The following SLC10A7 variants were observed in gnomAD, a reference collection of about 807,000 sequenced individuals.
SLC10A7 encodes solute carrier family 10 member 7.
In SLC10A7, 29 loss-of-function variants were observed where a neutral mutation model predicts 43.2. The observed-to-expected ratio is 0.67, with a 90% CI of 0.50 to 0.92. The LOEUF (loss-of-function observed/expected upper bound fraction) is 0.92. Ranked by LOEUF, SLC10A7 falls within the 40% of genes least tolerant of loss-of-function variation. The pLI is 0.00. For synonymous variants in SLC10A7, 152 were observed against 144.8 expected (o/e 1.05, Z -0.35); for missense variants, 295 against 403.2 (o/e 0.73, Z 2.30).
chr4:146,297,169 G>A (rs536340822), intron 7 of SLC10A7, among the ~76,000 whole-genome samples: 52 of 152,168 alleles, frequency 3.4e-4, no homozygotes, highest in African/African-American at 1.2e-3. Flanking sequence ...AGAAATGTAG[G>A]CGTTCAAAAT....
At chr4:146,274,291 C>T (rs1729073504) in intron 10 of SLC10A7, among the ~76,000 whole-genome samples, 1 of 150,768 alleles carries the variant, frequency 6.6e-6, no homozygotes, top group Non-Finnish European at 1.5e-5. Flanking sequence ...GCAACCTCTG[C>T]CTCCCGGGTT....
intron 2 of SLC10A7, 27 bp downstream of exon 2, chr4:146,517,011 T>A (rs1198627560): frequency 1.3e-6 from 2 of 1,523,598 alleles, no homozygotes; most frequent in African/African-American, 1.4e-5. Context: ...TCTCCCTGCT[T>A]TTCATGTGTC....
chr4:146,438,227 T>C (rs1389212509), intron 5 of SLC10A7, among the ~76,000 whole-genome samples: 1 of 151,976 alleles, frequency 6.6e-6, no homozygotes, highest in Admixed American at 6.6e-5. Flanking sequence ...ATAAACTGGC[T>C]AGTTTTTCAG....
intron 10 of SLC10A7, among the ~76,000 whole-genome samples, chr4:146,264,769 G>T (rs1053099633): frequency 3.3e-5 from 5 of 152,076 alleles, no homozygotes; most frequent in Admixed American, 6.5e-5. Context: ...AATTCTATTT[G>T]TTCTTCCACC....
intron 4 of SLC10A7, among the ~76,000 whole-genome samples, chr4:146,487,149 A>G (rs925162594): frequency 6.6e-6 from 1 of 152,184 alleles, no homozygotes; most frequent in Non-Finnish European, 1.5e-5. Flanking sequence ...TTAACCACAC[A>G]GGAGAGGCTT....
intron 4 of SLC10A7, among the ~76,000 whole-genome samples, chr4:146,472,638 T>C (rs886277729): frequency 6.6e-6 from 1 of 152,108 alleles, no homozygotes; most frequent in Non-Finnish European, 1.5e-5. Flanking sequence ...GTAGGCCTCC[T>C]GTGCAGACCC....
intron 5 of SLC10A7, among the ~76,000 whole-genome samples, chr4:146,372,281 C>G (rs868401966): frequency 6.6e-6 from 1 of 151,680 alleles, no homozygotes; most frequent in Non-Finnish European, 1.5e-5. Context: ...TGGAGACACC[C>G]CATCTCTACA....
intron 4 of SLC10A7, among the ~76,000 whole-genome samples, chr4:146,472,054 C>T (rs969751560): frequency 1.1e-4 from 17 of 152,194 alleles, no homozygotes; most frequent in African/African-American, 4.1e-4. Context: ...AAAGTGACAT[C>T]TCAATACAAA....
intron 5 of SLC10A7, among the ~76,000 whole-genome samples, chr4:146,375,920 T>TCCTAATCACACACATCA (rs1737164907): frequency 6.6e-6 from 1 of 152,190 alleles, no homozygotes; most frequent in Non-Finnish European, 1.5e-5. Flanking sequence ...TCCTAGCTTG[T>TCCTAATCACACACATCA]GACCTATACT....
At chr4:146,314,884 C>T (rs1387675548) in intron 6 of SLC10A7, among the ~76,000 whole-genome samples, 3 of 152,106 alleles carry the variant, frequency 2.0e-5, no homozygotes, top group Non-Finnish European at 4.4e-5. Flanking sequence ...GGGGCTTGAG[C>T]TCATGACAAC....
chr4:146,446,708 G>C (rs1244929738), intron 4 of SLC10A7, among the ~76,000 whole-genome samples: 1 of 151,934 alleles, frequency 6.6e-6, no homozygotes, highest in Admixed American at 6.6e-5. Flanking sequence ...CCCTGACTCT[G>C]AAGTGGCCAG....
Position 146,350,786 on chromosome 4 carries a change from C to A in SLC10A7, c.436-24790G>T, listed in dbSNP as rs1228656041. 1.4e-4 allele frequency among the ~76,000 whole-genome samples: 14 copies of A among 103,356 alleles called. No homozygotes were observed. In the South Asian group the frequency reaches 3.7e-3, roughly 27 times the overall value. The allele number at this position is 103,356 out of a possible 152,430, so 67.8% of individuals were successfully genotyped here. A position where few individuals can be genotyped will look rare whatever the true frequency, so the allele number is the denominator to read the frequency against. On this transcript the variant is annotated intron_variant, in intron 5 of 11. Transcript: ENST00000335472. ...AGCAGGGGCACACTGACACCTCACA[C>A]GGCAGGGTATTCCAACAGACCTGCA...
At chr4:146,510,191 T>C (rs987151234) in intron 2 of SLC10A7, 142 bp from the exon 3 acceptor site, 1 of 551,352 alleles carries the variant, frequency 1.8e-6, no homozygotes, top group Non-Finnish European at 3.0e-6. Context: ...AGTATATGCA[T>C]ACAAGACAGA....
intron 4 of SLC10A7, among the ~76,000 whole-genome samples, chr4:146,490,266 T>C (rs991291002): frequency 2.6e-5 from 4 of 152,100 alleles, no homozygotes; most frequent in Non-Finnish European, 5.9e-5. Context: ...ACAAAAAGAA[T>C]ACACACATGC....
chr4:146,494,613 G>T (rs1184869012), intron 4 of SLC10A7, among the ~76,000 whole-genome samples: 1 of 152,178 alleles, frequency 6.6e-6, no homozygotes, highest in African/African-American at 2.4e-5. Context: ...GGAGAGATGA[G>T]TGTCAGGGAA....
In SLC10A7 at chr4:146,326,945, C is replaced by T. The variant is rs1459413575; in HGVS notation, c.436-949G>A. The stretch of plus-strand genomic sequence containing the variant: ...ACACACACACACACACACACACACA[C>T]ACACACACACACACACACACACAGA... On this transcript the variant is annotated intron_variant, in intron 5 of 11. Transcript: ENST00000335472. 1.0e-3 allele frequency among the ~76,000 whole-genome samples: 100 copies of T among 95,954 alleles called. 2 individuals carry two copies. Among genetic ancestry groups the T allele is most frequent in the African/African-American group, 3.6e-3 (70 of 19,664 alleles). 62.9% of individuals were successfully genotyped at this position (95,954 alleles called of 152,430 possible). A position where few individuals can be genotyped will look rare whatever the true frequency, so the allele number is the denominator to read the frequency against.
chr4:146,294,338 C>G (rs1211399353), intron 7 of SLC10A7, among the ~76,000 whole-genome samples: 1 of 152,140 alleles, frequency 6.6e-6, no homozygotes, highest in African/African-American at 2.4e-5. Flanking sequence ...CAAATCCATC[C>G]TTAATCATGC....
At chr4:146,511,743 G>T (rs949443011) in intron 2 of SLC10A7, among the ~76,000 whole-genome samples, 1 of 152,098 alleles carries the variant, frequency 6.6e-6, no homozygotes, top group Non-Finnish European at 1.5e-5. Flanking sequence ...TCAGACCTAA[G>T]AGAAAGCAAG....
chr4:146,287,949 A>G (rs1314593773), intron 9 of SLC10A7, among the ~76,000 whole-genome samples: 5 of 152,148 alleles, frequency 3.3e-5, no homozygotes, highest in African/African-American at 7.2e-5. Context: ...CTCTGAATTA[A>G]TCTGGCGCTG....
Sources: gnomAD v4.1 joint callset for allele counts (sites outside exome capture counted in the v4.1 genomes callset) on GRCh38, gnomAD v4.1.1 for gene constraint, MANE v1.5 for transcripts, NCBI Gene and HGNC (gene_info 2026-07-23, HGNC 2026-07-21) for gene names.